SENP2: variants seen among roughly 807,000 people sequenced by gnomAD.
SENP2 encodes the protein sentrin-specific protease 2.
In SENP2, 16 loss-of-function variants were observed where a neutral mutation model predicts 86.3. The observed-to-expected ratio is 0.19, with a 90% CI of 0.13 to 0.28. The LOEUF (loss-of-function observed/expected upper bound fraction) is 0.28, where lower values mean the gene tolerates loss of function less well. SENP2 is among the 10% of genes least tolerant of loss of function. The probability of loss-of-function intolerance (pLI) is 1.00; values close to 1 mark genes in which losing one functional copy is unlikely to be tolerated. For missense variants in SENP2, 552 were observed against 703.0 expected (o/e 0.79, Z 2.43); for synonymous variants, 222 against 238.7 (o/e 0.93, Z 0.64).
At chr3:185,606,811 T>C in intron 6 of SENP2, 1 of 518,360 alleles carries the variant, frequency 1.9e-6, no homozygotes, top group Non-Finnish European at 3.7e-6. Context: ...GCATGTTGCT[T>C]ATCGAGGAGC....
chr3:185,626,460 G>A (rs1196692519), intron 16 of SENP2, 67 bp downstream of exon 16: 12 of 1,063,184 alleles, frequency 1.1e-5, no homozygotes, highest in Non-Finnish European at 1.6e-5. Context: ...GCCAGTGCCT[G>A]GCACACATTC....
rs559368518 is a variant in SENP2, at chr3:185,633,519, T to C, written c.*3675T>C. 14 of 152,298 alleles carry C rather than the reference T, an allele frequency of 9.2e-5. No individual in the cohort carries two copies. The highest frequency in any genetic ancestry group is 6.2e-4 in the South Asian group (3 of 4,828). 9.4% of individuals were successfully genotyped at this position (152,298 alleles called of 1,614,324 possible). A position where few individuals can be genotyped will look rare whatever the true frequency, so the allele number is the denominator to read the frequency against. On this transcript the variant is annotated 3_prime_UTR_variant, in exon 17 of 17. Transcript: ENST00000296257. ...TATATTAAAATAGGTGTTAATTTTA[T>C]CTATTTACCAATAAATTCATCTCTT... is the stretch of plus-strand genomic sequence containing the variant.
rs1251961239 is a variant in SENP2, at chr3:185,630,514, G to A, written c.*670G>A. ...CTTTCAGAGGAAGTCTGACACTACA[G>A]CGTTGGCACAGTGCCGTGAACAGTG... On this transcript the variant is annotated 3_prime_UTR_variant, in exon 17 of 17. Coordinates refer to ENST00000296257, the MANE Select transcript of SENP2 (RefSeq NM_021627.3). 1 of 153,500 alleles carries A rather than the reference G, an allele frequency of 6.5e-6. No individual in the cohort carries two copies. Among genetic ancestry groups the A allele is most frequent in the East Asian group, 1.9e-4 (1 of 5,196 alleles). 9.5% of individuals were successfully genotyped at this position (153,500 alleles called of 1,614,324 possible).
chr3:185,613,271 T>C, intron 9 of SENP2, 74 bp from the exon 10 acceptor site: 1 of 894,038 alleles, frequency 1.1e-6, no homozygotes, highest in East Asian at 2.5e-5. Context: ...TACGAAATCT[T>C]ATTTCTAAAA....
In SENP2 at chr3:185,609,370, T is replaced by C. The variant is rs754047721; in HGVS notation, c.722+20T>C. The C allele has an allele frequency of 1.3e-5, 20 of 1,528,982 alleles. 1 individual carries two copies. The South Asian group carries it at 2.3e-4, about 17-fold the overall frequency. 94.7% of individuals were successfully genotyped at this position (1,528,982 alleles called of 1,614,324 possible). A position where few individuals can be genotyped will look rare whatever the true frequency, so the allele number is the denominator to read the frequency against. On this transcript the variant is annotated intron_variant, in intron 7 of 16. Coordinates refer to ENST00000296257, the MANE Select transcript of SENP2 (RefSeq NM_021627.3). ...TCACAGGTGACAGTGAGCTAACAGA[T>C]AATGCTTTGCTAGGCATCTTTTGTT...
At chr3:185,629,019 A>T (rs1259207732) in intron 16 of SENP2, among the ~76,000 whole-genome samples, 1 of 152,200 alleles carries the variant, frequency 6.6e-6, no homozygotes, top group Non-Finnish European at 1.5e-5. Context: ...TTTTAAAGGG[A>T]GAAGTTGCTG....
intron 7 of SENP2, among the ~76,000 whole-genome samples, chr3:185,610,246 C>T (rs974128731): frequency 4.0e-5 from 6 of 151,062 alleles, no homozygotes; most frequent in Non-Finnish European, 7.4e-5. Context: ...CTGCAATCTC[C>T]GCTTCCTGGG....
chr3:185,627,458 GC>G (rs1712205740), intron 16 of SENP2, among the ~76,000 whole-genome samples: 1 of 152,158 alleles, frequency 6.6e-6, no homozygotes, highest in African/African-American at 2.4e-5. Context: ...TGTTGCCCAG[GC>G]TGGAGTGCAG....
chr3:185,602,133 C>T (rs1157871771), intron 5 of SENP2, among the ~76,000 whole-genome samples: 2 of 152,062 alleles, frequency 1.3e-5, no homozygotes, highest in Non-Finnish European at 2.9e-5. Flanking sequence ...GTGCTCCCTT[C>T]TGGTTTATGC....
rs1479125917 is a variant in SENP2, at chr3:185,590,187, T to A, written c.157+18T>A. 11 of 1,408,668 alleles carry A rather than the reference T, an allele frequency of 7.8e-6. No homozygotes were observed. Among genetic ancestry groups the A allele is most frequent in the Non-Finnish European group, 9.7e-6 (10 of 1,034,508 alleles). The allele number at this position is 1,408,668 out of a possible 1,614,324, so 87.3% of individuals were successfully genotyped here. ...AAGATTAGGTACTGAATATAAATTT[T>A]AAAAATTTTTAGTTTTTAAATAGGA... On this transcript the variant is annotated intron_variant, in intron 2 of 16. Coordinates refer to ENST00000296257, the MANE Select transcript of SENP2 (RefSeq NM_021627.3).
intron 7 of SENP2, among the ~76,000 whole-genome samples, chr3:185,610,941 G>A (rs761356090): frequency 6.6e-6 from 1 of 151,750 alleles, no homozygotes; most frequent in Non-Finnish European, 1.5e-5. Context: ...CTGAGCTACA[G>A]ATCGAGACTC....
chr3:185,591,144 A>T (rs966304211), intron 2 of SENP2, among the ~76,000 whole-genome samples: 1 of 150,896 alleles, frequency 6.6e-6, no homozygotes, highest in Non-Finnish European at 1.5e-5. Context: ...TGACCTCGTG[A>T]TCTGCCCGCC....
intron 16 of SENP2, among the ~76,000 whole-genome samples, chr3:185,629,229 C>T (rs982014996): frequency 1.3e-5 from 2 of 152,172 alleles, no homozygotes; most frequent in Non-Finnish European, 2.9e-5. Context: ...TGAAGTTGTA[C>T]TATACTGTAT....
intron 10 of SENP2, 57 bp from the exon 11 acceptor site, chr3:185,614,507 T>C: frequency 2.1e-6 from 3 of 1,462,424 alleles, no homozygotes; most frequent in Non-Finnish European, 2.8e-6. Flanking sequence ...GTGTAATCTG[T>C]GTTTATATTT....
Position 185,633,279 on chromosome 3 carries a change from AGTT to A in SENP2, c.*3436_*3438del, listed in dbSNP as rs1433373882. 1 of 152,220 alleles carries A rather than the reference AGTT, an allele frequency of 6.6e-6. No individual in the cohort carries two copies. The highest frequency in any genetic ancestry group is 1.5e-5 in the Non-Finnish European group (1 of 68,042). 9.4% of individuals were successfully genotyped at this position (152,220 alleles called of 1,614,324 possible). On this transcript the variant is annotated 3_prime_UTR_variant, in exon 17 of 17. Transcript: ENST00000296257. ...AAGTGTGTGACAACCTCAGTACTGT[AGTT>A]AAGCTACATTCTTTAAATTAGCTTT... is the stretch of plus-strand genomic sequence containing the variant.
chr3:185,622,171 C>A (rs774633370), intron 14 of SENP2, among the ~76,000 whole-genome samples: 1 of 152,130 alleles, frequency 6.6e-6, no homozygotes, highest in South Asian at 2.1e-4. Flanking sequence ...GGCATCGATA[C>A]GTTATTCTGA....
chr3:185,601,639 CTTT>C lies in SENP2; in HGVS notation c.449+801_449+803del, dbSNP rs4012716. 2.3e-3 allele frequency among the ~76,000 whole-genome samples: 270 copies of C among 116,718 alleles called. 1 individual carries two copies. Among genetic ancestry groups the C allele is most frequent in the African/African-American group, 7.9e-3 (240 of 30,340 alleles). The allele number at this position is 116,718 out of a possible 152,430, so 76.6% of individuals were successfully genotyped here. On this transcript the variant is annotated intron_variant, in intron 5 of 16. Transcript: ENST00000296257. ...ACATTCTCTCCTTTTGTTGTTCTTG[CTTT>C]TTTTTTTTTTTTTTTTGAGATGGGG... is the stretch of plus-strand genomic sequence containing the variant.
chr3:185,592,007 A>ATTTATTTTTTTTTTTTTT (rs1261238822), intron 2 of SENP2, among the ~76,000 whole-genome samples: 1 of 35,112 alleles, frequency 2.8e-5, no homozygotes, highest in Non-Finnish European at 5.7e-5. Context: ...AACCGGTAAT[A>ATTTATTTTTTTTTTTTTT]TTTCTTTTTT....
chr3:185,621,097 C>T (rs1711845775), intron 13 of SENP2, among the ~76,000 whole-genome samples: 1 of 136,072 alleles, frequency 7.3e-6, no homozygotes, highest in East Asian at 2.3e-4. Flanking sequence ...GTCGAGGCTG[C>T]AGTGAGCCGT....
Sources: allele counts gnomAD v4.1 joint callset (sites outside exome capture counted in the v4.1 genomes callset), GRCh38; gene constraint gnomAD v4.1.1; transcripts MANE v1.5; gene names NCBI Gene and HGNC (gene_info 2026-07-23, HGNC 2026-07-21).